Variants in ERC2 observed in about 807,000 individuals in gnomAD.
ERC2 encodes the protein ERC protein 2.
Under a neutral mutation model 114.8 loss-of-function variants are expected in ERC2, and 42 were observed. That is an observed-to-expected ratio of 0.37 (90% CI 0.29 to 0.47). The LOEUF is 0.47. Ranked by LOEUF, ERC2 falls within the 20% of genes least tolerant of loss-of-function variation. The probability of loss-of-function intolerance (pLI) is 0.99; values close to 1 mark genes in which losing one functional copy is unlikely to be tolerated. For synonymous variants in ERC2, 454 were observed against 425.5 expected, an observed-to-expected ratio of 1.07 and a Z score of -0.82; for missense variants, 939 against 1,150.7, an observed-to-expected ratio of 0.82 and a Z score of 2.66.
intron 15 of ERC2, among the ~76,000 whole-genome samples, chr3:55,706,490 G>A (rs915152716): frequency 3.9e-5 from 6 of 151,956 alleles, no homozygotes; most frequent in Admixed American, 6.6e-5. Flanking sequence ...TCTACTTCCC[G>A]GGTTCAAGTG....
intron 13 of ERC2, among the ~76,000 whole-genome samples, chr3:55,921,617 G>T (rs2065436283): frequency 1.3e-5 from 2 of 151,992 alleles, no homozygotes; most frequent in South Asian, 4.1e-4. Context: ...GCCAAAGTTG[G>T]AAAATGCAAA....
chr3:56,326,295 C>T (rs1478906849), intron 2 of ERC2, among the ~76,000 whole-genome samples: 1 of 152,196 alleles, frequency 6.6e-6, no homozygotes. Context: ...ATAGTGAAGA[C>T]AGGAGCACAG....
intron 7 of ERC2, among the ~76,000 whole-genome samples, chr3:56,050,590 C>T (rs1448485393): frequency 1.3e-5 from 2 of 152,186 alleles, no homozygotes; most frequent in African/African-American, 4.8e-5. Flanking sequence ...TCCACCCTCT[C>T]TGGCTCAGCA....
intron 7 of ERC2, among the ~76,000 whole-genome samples, chr3:56,026,553 A>T (rs1344680389): frequency 1.3e-5 from 2 of 152,206 alleles, no homozygotes; most frequent in African/African-American, 2.4e-5. Flanking sequence ...AATGATGAAG[A>T]TGATGGCCAT....
intron 3 of ERC2, among the ~76,000 whole-genome samples, chr3:56,229,570 G>A (rs1156534670): frequency 6.6e-6 from 1 of 152,104 alleles, no homozygotes; most frequent in Non-Finnish European, 1.5e-5. Context: ...TTTGCTCAGA[G>A]AATCATTCAA....
At position 55,796,756 on chromosome 3, in the gene ERC2, T is replaced by C. The variant is rs530144242; in HGVS notation, c.2565-61838A>G. On this transcript the variant is annotated intron_variant, in intron 14 of 17. Coordinates refer to ENST00000288221, the MANE Select transcript of ERC2 (RefSeq NM_015576.3). ...CCTGTTTCTATGATAAAAATTGTAC[T>C]GGAACACAGCCACACCCATTTGTTT... is the stretch of plus-strand genomic sequence containing the variant. Among the ~76,000 whole-genome samples, 83 of 152,310 alleles carry C rather than the reference T, an allele frequency of 5.4e-4. 3 individuals carry two copies. The South Asian group carries it at 0.017, about 30-fold the overall frequency.
chr3:55,633,277 C>T (rs2059829656), intron 17 of ERC2, among the ~76,000 whole-genome samples: 1 of 152,180 alleles, frequency 6.6e-6, no homozygotes, highest in Admixed American at 6.5e-5. Flanking sequence ...GAATGCATTC[C>T]ATAATGTCTG....
At chr3:56,332,913 G>C (rs1165267033) in intron 2 of ERC2, among the ~76,000 whole-genome samples, 1 of 152,150 alleles carries the variant, frequency 6.6e-6, no homozygotes. Flanking sequence ...GAGAAGAAAA[G>C]GGGGGAAAAA....
At chr3:55,520,546 G>T (rs2052855938) in intron 17 of ERC2, among the ~76,000 whole-genome samples, 1 of 152,116 alleles carries the variant, frequency 6.6e-6, no homozygotes, top group South Asian at 2.1e-4. Context: ...AACACATCTT[G>T]GTTTTGTGTG....
At chr3:56,036,595 T>A (rs1404370230) in intron 7 of ERC2, among the ~76,000 whole-genome samples, 1 of 152,124 alleles carries the variant, frequency 6.6e-6, no homozygotes, top group Non-Finnish European at 1.5e-5. Context: ...CTGGGCTGAC[T>A]AGGCGGTTGG....
Position 56,255,506 on chromosome 3 carries a change from C to A in ERC2, c.1074+40513G>T, listed in dbSNP as rs934140290. 4.6e-5 allele frequency among the ~76,000 whole-genome samples: 7 copies of A among 152,176 alleles called. No homozygotes were observed. The East Asian group carries it at 1.2e-3, about 25-fold the overall frequency. The stretch of plus-strand genomic sequence containing the variant: ...TGCAAGAGGCCTATTGAATGTGCAT[C>A]ATCTCATCTCCCTGGGCTGCCCTGG... On this transcript the variant is annotated intron_variant, in intron 3 of 17. Transcript: ENST00000288221.
intron 3 of ERC2, among the ~76,000 whole-genome samples, chr3:56,185,649 T>C (rs568955308): frequency 7.2e-5 from 11 of 152,164 alleles, no homozygotes; most frequent in Non-Finnish European, 1.2e-4. Flanking sequence ...TGTGAATCTT[T>C]GGGAGTCAGA....
intron 14 of ERC2, among the ~76,000 whole-genome samples, chr3:55,774,418 C>T (rs1295862803): frequency 6.6e-6 from 1 of 152,198 alleles, no homozygotes; most frequent in Non-Finnish European, 1.5e-5. Flanking sequence ...ACTCAGGGAC[C>T]CCCCGACTTC....
chr3:55,669,858 C>G (rs1273748585), intron 17 of ERC2, among the ~76,000 whole-genome samples: 1 of 152,204 alleles, frequency 6.6e-6, no homozygotes, highest in East Asian at 1.9e-4. Flanking sequence ...AATGCTCAAC[C>G]TGATTCAGGA....
Position 56,406,321 on chromosome 3 carries a change from G to A in ERC2, c.657+28030C>T, listed in dbSNP as rs116284742. Among the ~76,000 whole-genome samples the A allele has an allele frequency of 7.3e-3, 1,111 of 152,262 alleles. 23 individuals are homozygous for A. The highest frequency in any genetic ancestry group is 0.026 in the African/African-American group (1,063 of 41,536). On this transcript the variant is annotated intron_variant, in intron 2 of 17. Transcript: ENST00000288221. ...CCTACGTGGCTGTGTCCATCTCACCGAAAGAAGGTGGGATTCTGAACACTA... is the reference window on the plus strand; with the variant it reads ...CCTACGTGGCTGTGTCCATCTCACCAAAAGAAGGTGGGATTCTGAACACTA...
At chr3:55,631,309 A>G (rs1020594551) in intron 17 of ERC2, among the ~76,000 whole-genome samples, 15 of 152,222 alleles carry the variant, frequency 9.9e-5, no homozygotes, top group Non-Finnish European at 1.6e-4. Context: ...GAAAAGGAAG[A>G]AAGGCTGAAA....
intron 3 of ERC2, among the ~76,000 whole-genome samples, chr3:56,232,734 A>C (rs1308419598): frequency 1.3e-5 from 2 of 152,084 alleles, no homozygotes; most frequent in Admixed American, 6.6e-5. Flanking sequence ...TCCTTGATTC[A>C]CTCCCAATTT....
chr3:56,129,367 C>G (rs1215068114), intron 6 of ERC2, among the ~76,000 whole-genome samples: 1 of 152,172 alleles, frequency 6.6e-6, no homozygotes, highest in Non-Finnish European at 1.5e-5. Context: ...GTCAGGAAAG[C>G]ATAATCACAA....
chr3:55,907,630 T>G (rs1490842254), intron 13 of ERC2, among the ~76,000 whole-genome samples: 4 of 152,284 alleles, frequency 2.6e-5, no homozygotes, highest in Middle Eastern at 6.8e-3. Flanking sequence ...GAGAGATCCA[T>G]CAGTATAAAA....
Sources: allele counts gnomAD v4.1 joint callset (sites outside exome capture counted in the v4.1 genomes callset), GRCh38; gene constraint gnomAD v4.1.1; transcripts MANE v1.5; gene names NCBI Gene and HGNC (gene_info 2026-07-23, HGNC 2026-07-21).